The following A2M variants were observed in gnomAD, a reference collection of about 807,000 sequenced individuals.
A2M encodes the protein alpha-2-macroglobulin.
A neutral mutation model predicts 183.9 loss-of-function variants in A2M; 128 were observed. The observed-to-expected ratio is 0.70, with a 90% CI of 0.60 to 0.81. The LOEUF (loss-of-function observed/expected upper bound fraction) is 0.81, where lower values mean the gene tolerates loss of function less well. Ranked by LOEUF, A2M falls within the 30% of genes least tolerant of loss-of-function variation. The pLI is 0.00. For synonymous variants in A2M, 592 were observed against 670.8 expected, an observed-to-expected ratio of 0.88 and a Z score of 1.81; for missense variants, 1,495 against 1,787.6, an observed-to-expected ratio of 0.84 and a Z score of 2.95.
chr12:9,099,014 C>A (rs1371120920), intron 14 of A2M, among the ~76,000 whole-genome samples: 1 of 152,142 alleles, frequency 6.6e-6, no homozygotes, highest in Non-Finnish European at 1.5e-5. Flanking sequence ...ATCTTTGATA[C>A]ACGGCAAGGT....
chr12:9,108,537 A>G (rs753288134), intron 7 of A2M, among the ~76,000 whole-genome samples: 143 of 152,254 alleles, frequency 9.4e-4, no homozygotes, highest in African/African-American at 3.3e-3. Flanking sequence ...CTGTATGTCT[A>G]TTTGCAAGAT....
intron 17 of A2M, 75 bp from the exon 18 acceptor site, chr12:9,093,654 C>CAA (rs75521813): frequency 1.9e-3 from 981 of 528,104 alleles, no homozygotes; most frequent in African/African-American, 5.3e-3. Flanking sequence ...TAGTTGCCAC[C>CAA]AAAAAAAAAA....
In A2M at chr12:9,112,214, G is replaced by T; in HGVS notation, c.431-3C>A. 1 of 1,613,792 alleles carries T rather than the reference G, an allele frequency of 6.2e-7. No individual in the cohort carries two copies. The highest frequency in any genetic ancestry group is 8.5e-7 in the Non-Finnish European group (1 of 1,179,754). On this transcript the variant is annotated splice_region_variant and splice_polypyrimidine_tract_variant and intron_variant, in intron 3 of 35. Transcript: ENST00000318602. ...CATGGAGACAACACGAAATTTCACT[G>T]AAACAGAAATATTTTTCATGAGCCC...
intron 15 of A2M, among the ~76,000 whole-genome samples, chr12:9,096,863 A>G (rs1315203846): frequency 6.6e-6 from 1 of 152,196 alleles, no homozygotes; most frequent in Non-Finnish European, 1.5e-5. Flanking sequence ...TCTTTCCAGT[A>G]GCTCACTGCT....
At chr12:9,072,626 C>T (rs760582132) in intron 30 of A2M, 27 bp downstream of exon 30, 10 of 1,610,532 alleles carry the variant, frequency 6.2e-6, no homozygotes, top group Admixed American at 3.3e-5. Flanking sequence ...CTCATCTGTC[C>T]TGTCCTCACC....
In A2M at chr12:9,110,320, G is replaced by A; in HGVS notation, c.498C>T (p.Tyr166=). 6.9e-7 allele frequency: 1 copy of A among 1,456,932 alleles called. No homozygotes were observed. Among genetic ancestry groups the A allele is most frequent in the Non-Finnish European group, 9.3e-7 (1 of 1,077,940 alleles). 90.3% of individuals were successfully genotyped at this position (1,456,932 alleles called of 1,614,324 possible). A position where few individuals can be genotyped will look rare whatever the true frequency, so the allele number is the denominator to read the frequency against. The change falls in exon 5 of 36, where the codon TAC becomes TAT. Residue 166 remains tyrosine (Y), a synonymous_variant. Coordinates refer to ENST00000318602, the MANE Select transcript of A2M (RefSeq NM_000014.6). ...HPLNELIPLV[Y]IQDPKGNRIA... ...AATGTTTCATGTTGCTTACCTGAAT[G>A]TATACTAGTGGAATCTGAAAGACAA...
rs771038373 is a variant in A2M, at chr12:9,085,561, T to A, written c.2770+3639A>T. On this transcript the variant is annotated intron_variant, in intron 22 of 35. Transcript: ENST00000318602. The stretch of plus-strand genomic sequence containing the variant: ...AATAAACACCAAAAAAGAAGAAAAA[T>A]TTCCAATAAAGATACTAATGATATT... Among the ~76,000 whole-genome samples, 378 of 151,002 alleles carry A rather than the reference T, an allele frequency of 2.5e-3. 2 individuals carry two copies. The highest frequency in any genetic ancestry group is 4.0e-3 in the Non-Finnish European group (271 of 67,620).
chr12:9,080,598 C>CCA (rs2137711550), intron 22 of A2M, among the ~76,000 whole-genome samples: 1 of 152,184 alleles, frequency 6.6e-6, no homozygotes, highest in African/African-American at 2.4e-5. Flanking sequence ...GTAAAATTAC[C>CCA]CACAAAAGGT....
At chr12:9,088,417 A>G (rs767701187) in intron 22 of A2M, among the ~76,000 whole-genome samples, 1 of 152,320 alleles carries the variant, frequency 6.6e-6, no homozygotes, top group African/African-American at 2.4e-5. Context: ...TCATGATAAA[A>G]GGATTGAATG....
intron 15 of A2M, among the ~76,000 whole-genome samples, chr12:9,096,625 C>G (rs1949389262): frequency 3.9e-5 from 6 of 152,194 alleles, no homozygotes; most frequent in South Asian, 2.1e-4. Flanking sequence ...AGAAGTAAGA[C>G]AGACATAAAA....
chr12:9,083,218 C>T (rs1450219304), intron 22 of A2M, among the ~76,000 whole-genome samples: 3 of 151,890 alleles, frequency 2.0e-5, no homozygotes, highest in African/African-American at 7.3e-5. Flanking sequence ...GGAAGGGGAA[C>T]ATCACACACC....
At chr12:9,101,413 A>G in intron 12 of A2M, 34 bp downstream of exon 12, 1 of 1,555,594 alleles carries the variant, frequency 6.4e-7, no homozygotes, top group Non-Finnish European at 8.8e-7. Flanking sequence ...GCTTTTGTCT[A>G]CAGTGAAGTC....
rs777730176 is a variant in A2M, at chr12:9,076,923, C to T, written c.3365G>A (p.Arg1122His). The T allele has an allele frequency of 3.8e-6, 6 of 1,597,292 alleles. No homozygotes were observed. Among genetic ancestry groups the T allele is most frequent in the South Asian group, 1.1e-5 (1 of 88,134 alleles). The change falls in exon 28 of 36, where the codon CGC (arginine) becomes CAC (histidine). Residue 1122 changes from arginine (R) to histidine (H), a missense_variant. Transcript: ENST00000318602. ...TGACTCCAGGCAAAACAGGGCATTG[C>T]GGACAACAGGGTGCTGTGAAGGCAG... is the stretch of plus-strand genomic sequence containing the variant. Reference protein sequence around the residue: ...IPLTVTHPVVRNALFCLESAW... With the variant: ...IPLTVTHPVVHNALFCLESAW...
intron 27 of A2M, 54 bp downstream of exon 27, chr12:9,077,292 C>A: frequency 6.7e-7 from 1 of 1,484,850 alleles, no homozygotes; most frequent in Non-Finnish European, 9.3e-7. Context: ...AGCAGGTCAG[C>A]AGTTTCATTG....
chr12:9,113,612 T>G (rs1938914246), intron 1 of A2M, 69 bp from the exon 2 acceptor site: 1 of 1,417,896 alleles, frequency 7.1e-7, no homozygotes, highest in Non-Finnish European at 9.8e-7. Flanking sequence ...AGCACTTTTT[T>G]CCATCATCAT....
At chr12:9,113,655 A>C in intron 1 of A2M, 112 bp from the exon 2 acceptor site, 2 of 1,063,160 alleles carry the variant, frequency 1.9e-6, no homozygotes, top group Non-Finnish European at 2.7e-6. Flanking sequence ...CCAAGAGAAG[A>C]TGTACTGATG....
At chr12:9,072,946 C>A in intron 29 of A2M, 75 bp from the exon 30 acceptor site, 1 of 1,213,214 alleles carries the variant, frequency 8.2e-7, no homozygotes, top group Non-Finnish European at 1.2e-6. Flanking sequence ...TTTCAAAGAC[C>A]CATGTGAGGG....
chr12:9,079,504 C>G, intron 24 of A2M, 135 bp downstream of exon 24: 1 of 1,078,298 alleles, frequency 9.3e-7, no homozygotes, highest in Non-Finnish European at 1.3e-6. Flanking sequence ...GGATAGTTTC[C>G]TTGAAATTAA....
chr12:9,109,548 C>T (rs1938567267), intron 6 of A2M, 143 bp from the exon 7 acceptor site: 1 of 670,776 alleles, frequency 1.5e-6, no homozygotes, highest in Non-Finnish European at 2.6e-6. Flanking sequence ...TCTTATCTAT[C>T]CTCCTCTCAA....
Sources: gnomAD v4.1 joint callset for allele counts (sites outside exome capture counted in the v4.1 genomes callset) on GRCh38, gnomAD v4.1.1 for gene constraint, MANE v1.5 for transcripts, NCBI Gene and HGNC (gene_info 2026-07-23, HGNC 2026-07-21) for gene names.